The following CSMD1 variants were observed in gnomAD, a reference collection of about 807,000 sequenced individuals.
CSMD1 encodes the protein CUB and sushi domain-containing protein 1.
CSMD1 carries 213 observed loss-of-function variants against 417.5 expected under a neutral mutation model. The ratio of observed to expected loss-of-function variants is 0.51; its 90% CI spans 0.46 to 0.57. The LOEUF is 0.57. CSMD1 is among the 20% of genes least tolerant of loss of function. CSMD1 has a pLI of 0.00. For missense variants in CSMD1, 6,923 were observed against 4,529.7 expected, an observed-to-expected ratio of 1.53 and a Z score of -15.17; for synonymous variants, 2,862 against 1,736.8, an observed-to-expected ratio of 1.65 and a Z score of -16.11.
intron 2 of CSMD1, among the ~76,000 whole-genome samples, chr8:4,587,866 G>T (rs1799782849): frequency 6.6e-6 from 1 of 152,120 alleles, no homozygotes; most frequent in South Asian, 2.1e-4. Context: ...GAAATTTATT[G>T]AAATGTAAAA....
intron 1 of CSMD1, among the ~76,000 whole-genome samples, chr8:4,899,635 T>G (rs1478362640): frequency 6.6e-6 from 1 of 152,196 alleles, no homozygotes; most frequent in African/African-American, 2.4e-5. Flanking sequence ...TAGGGTTTTG[T>G]CTGTAGTTTT....
intron 1 of CSMD1, among the ~76,000 whole-genome samples, chr8:4,934,990 A>G (rs1807511473): frequency 6.6e-6 from 1 of 152,198 alleles, no homozygotes; most frequent in Non-Finnish European, 1.5e-5. Flanking sequence ...TCATCTGTCT[A>G]TATTCATCAT....
intron 41 of CSMD1, among the ~76,000 whole-genome samples, chr8:3,132,118 A>G (rs1411323567): frequency 6.6e-6 from 1 of 152,210 alleles, no homozygotes; most frequent in African/African-American, 2.4e-5. Context: ...TCTCAGGGAA[A>G]GCCTGCTCAG....
chr8:3,998,113 G>T lies in CSMD1; in HGVS notation c.611-3C>A. 1 of 1,557,274 alleles carries T rather than the reference G, an allele frequency of 6.4e-7. No individual in the cohort carries two copies. The highest frequency in any genetic ancestry group is 8.7e-7 in the Non-Finnish European group (1 of 1,149,192). On this transcript the variant is annotated splice_region_variant and splice_polypyrimidine_tract_variant and intron_variant, in intron 4 of 69. Transcript: ENST00000635120. ...GGTTCCTCCGCAGGCTCCCTCAGCT[G>T]CAGGGGCAAAAGCAGAAAGAAAGCA... is the stretch of plus-strand genomic sequence containing the variant.
chr8:3,565,616 T>A (rs1231922780), intron 10 of CSMD1, among the ~76,000 whole-genome samples: 2 of 152,262 alleles, frequency 1.3e-5, no homozygotes, highest in East Asian at 3.9e-4. Flanking sequence ...TCAAGTTCTT[T>A]AAAAAAACCA....
chr8:3,769,794 C>T (rs73658238), intron 5 of CSMD1, among the ~76,000 whole-genome samples: 2,451 of 152,254 alleles, frequency 0.016, 50 homozygotes, highest in African/African-American at 0.056. Context: ...AGTTTTATAG[C>T]ACATCACCTT....
intron 3 of CSMD1, among the ~76,000 whole-genome samples, chr8:4,073,826 G>T (rs957514896): frequency 6.6e-6 from 1 of 151,978 alleles, no homozygotes; most frequent in Non-Finnish European, 1.5e-5. Context: ...GTTGAAAATT[G>T]CTTTGTTAAT....
rs191117585 is a variant in CSMD1 at position 3,073,039 on chromosome 8, A to T, written c.7474+14058T>A. On this transcript the variant is annotated intron_variant, in intron 49 of 69. Coordinates refer to ENST00000635120, the MANE Select transcript of CSMD1 (RefSeq NM_033225.6). ...TTCCACTCTTTTTTGTAAAAATGAA[A>T]TGCAACCCTCCCAAATTCCCAGTGC... is the stretch of plus-strand genomic sequence containing the variant. 1.2e-4 allele frequency among the ~76,000 whole-genome samples: 18 copies of T among 152,350 alleles called. No individual in the cohort carries two copies. The East Asian group carries it at 3.5e-3, about 29-fold the overall frequency.
At chr8:3,330,445 A>G (rs568894699) in intron 23 of CSMD1, among the ~76,000 whole-genome samples, 39 of 152,344 alleles carry the variant, frequency 2.6e-4, no homozygotes, top group African/African-American at 8.7e-4. Flanking sequence ...GTCTTTTGTG[A>G]GAACATGGAT....
chr8:4,881,562 C>T (rs1420775396), intron 1 of CSMD1, among the ~76,000 whole-genome samples: 6 of 147,996 alleles, frequency 4.1e-5, no homozygotes, highest in Admixed American at 1.3e-4. Context: ...ATCTCATTTA[C>T]GCCTCAATAT....
At chr8:3,404,098 G>C (rs1410071449) in intron 15 of CSMD1, among the ~76,000 whole-genome samples, 7 of 152,146 alleles carry the variant, frequency 4.6e-5, no homozygotes, top group Admixed American at 2.6e-4. Flanking sequence ...GACCTGGTTA[G>C]AAGTTTCTAC....
chr8:3,414,722 C>A (rs1046016003), intron 12 of CSMD1, among the ~76,000 whole-genome samples: 3 of 152,114 alleles, frequency 2.0e-5, no homozygotes, highest in Non-Finnish European at 2.9e-5. Flanking sequence ...AGTTCTTTCC[C>A]GGTGTTTCAC....
chr8:3,995,466 G>T (rs1405726443), intron 5 of CSMD1, among the ~76,000 whole-genome samples: 1 of 152,292 alleles, frequency 6.6e-6, no homozygotes, highest in East Asian at 1.9e-4. Flanking sequence ...TTATGATCCA[G>T]CCTGTAGTCC....
chr8:3,424,612 G>C (rs985588711), intron 12 of CSMD1, among the ~76,000 whole-genome samples: 3 of 152,100 alleles, frequency 2.0e-5, no homozygotes, highest in African/African-American at 4.8e-5. Flanking sequence ...ATCACAATTT[G>C]AACACAAAAT....
At chr8:4,733,112 A>T (rs1311874371) in intron 1 of CSMD1, among the ~76,000 whole-genome samples, 1 of 152,218 alleles carries the variant, frequency 6.6e-6, no homozygotes, top group Non-Finnish European at 1.5e-5. Context: ...ATTAGAATAG[A>T]AGGCAACCAT....
At chr8:3,964,320 C>G (rs985456390) in intron 5 of CSMD1, among the ~76,000 whole-genome samples, 1 of 152,136 alleles carries the variant, frequency 6.6e-6, no homozygotes, top group Non-Finnish European at 1.5e-5. Context: ...GGCCATAAGT[C>G]TCATTGTGTC....
rs115144487 is a variant in CSMD1, at chr8:2,954,078, G to C, written c.10039+146C>G. 1,510 of 436,482 alleles carry C rather than the reference G, an allele frequency of 3.5e-3. 15 individuals are homozygous for C. Among genetic ancestry groups the C allele is most frequent in the African/African-American group, 0.026 (1,259 of 48,834 alleles). The allele number at this position is 436,482 out of a possible 1,614,324, so 27.0% of individuals were successfully genotyped here. On this transcript the variant is annotated intron_variant, in intron 65 of 69. Transcript: ENST00000635120. Reference sequence around the variant, plus strand: ...GTGAAATAAACAGAATTCCATGTAAGCTTGGTGTTTTAAATAATTGAAACA... The same window carrying C: ...GTGAAATAAACAGAATTCCATGTAACCTTGGTGTTTTAAATAATTGAAACA...
chr8:2,938,872 A>C lies in CSMD1; in HGVS notation c.10536-128T>G, dbSNP rs537835225. On this transcript the variant is annotated intron_variant, in intron 69 of 69. Coordinates refer to ENST00000635120, the MANE Select transcript of CSMD1 (RefSeq NM_033225.6). ...ATAGCCAGGACGTTTGCAAAGAAGG[A>C]AGGCATCCACACCTGCACACCTGTC... is the stretch of plus-strand genomic sequence containing the variant. 8.2e-6 allele frequency: 6 copies of C among 733,656 alleles called. No homozygotes were observed. In the East Asian group the frequency reaches 1.1e-4, roughly 14 times the overall value. The allele number at this position is 733,656 out of a possible 1,614,324, so 45.4% of individuals were successfully genotyped here.
At chr8:3,366,815 C>T (rs1034795551) in intron 20 of CSMD1, among the ~76,000 whole-genome samples, 1 of 152,162 alleles carries the variant, frequency 6.6e-6, no homozygotes, top group African/African-American at 2.4e-5. Context: ...AATTGTGTAA[C>T]ACAAAGTGGC....
Sources: gnomAD v4.1 joint callset for allele counts (sites outside exome capture counted in the v4.1 genomes callset) on GRCh38, gnomAD v4.1.1 for gene constraint, MANE v1.5 for transcripts, NCBI Gene and HGNC (gene_info 2026-07-23, HGNC 2026-07-21) for gene names.